PIP5K1C: variants seen among roughly 807,000 people sequenced by gnomAD.
PIP5K1C encodes the protein phosphatidylinositol 4-phosphate 5-kinase type-1 gamma.
PIP5K1C carries 45 observed loss-of-function variants against 80.1 expected under a neutral mutation model. The ratio of observed to expected loss-of-function variants is 0.56; its 90% CI spans 0.44 to 0.72. The LOEUF is 0.72. Ranked by LOEUF, PIP5K1C falls within the 30% of genes least tolerant of loss-of-function variation. The pLI is 0.00. For missense variants in PIP5K1C, 753 were observed against 954.6 expected (o/e 0.79, Z 2.78); for synonymous variants, 498 against 420.1 (o/e 1.19, Z -2.27).
intron 1 of PIP5K1C, among the ~76,000 whole-genome samples, chr19:3,690,354 T>A (rs925666499): frequency 2.0e-5 from 3 of 151,834 alleles, no homozygotes; most frequent in African/African-American, 7.3e-5. Context: ...AAATTAGCTA[T>A]GCATGGTGGC....
chr19:3,638,754 G>A (rs1157880454), intron 16 of PIP5K1C, 130 bp downstream of exon 16: 16 of 968,788 alleles, frequency 1.7e-5, no homozygotes, highest in Non-Finnish European at 2.1e-5. Context: ...GAGAGAGCAT[G>A]TGGGTGGGTC....
At chr19:3,651,639 C>G (rs1235113209) in intron 8 of PIP5K1C, among the ~76,000 whole-genome samples, 187 bp downstream of exon 8, 1 of 152,252 alleles carries the variant, frequency 6.6e-6, no homozygotes, top group Non-Finnish European at 1.5e-5. Flanking sequence ...CTGCACTCAG[C>G]CTGCGGCCCG....
At chr19:3,689,485 C>T (rs2035878085) in intron 1 of PIP5K1C, among the ~76,000 whole-genome samples, 1 of 151,896 alleles carries the variant, frequency 6.6e-6, no homozygotes, top group Admixed American at 6.6e-5. Flanking sequence ...CCTGTCTCTA[C>T]TAAAAATACA....
At chr19:3,634,857 G>A (rs2033612743) in intron 16 of PIP5K1C, among the ~76,000 whole-genome samples, 1 of 152,228 alleles carries the variant, frequency 6.6e-6, no homozygotes, top group South Asian at 2.1e-4. Flanking sequence ...CGAGGGCAGC[G>A]CACTCCTGCC....
At chr19:3,668,093 G>A (rs1270923140) in intron 1 of PIP5K1C, among the ~76,000 whole-genome samples, 2 of 152,056 alleles carry the variant, frequency 1.3e-5, no homozygotes, top group East Asian at 3.9e-4. Context: ...AGCAGGGCCT[G>A]GGCCGCAGCT....
intron 2 of PIP5K1C, 136 bp from the exon 3 acceptor site, chr19:3,665,050 C>A (rs1046554631): frequency 4.0e-6 from 3 of 758,046 alleles, no homozygotes; most frequent in Non-Finnish European, 6.8e-6. Flanking sequence ...CAGGTCCAGG[C>A]GACTCCGGGG....
intron 2 of PIP5K1C, 62 bp from the exon 3 acceptor site, chr19:3,664,976 G>T: frequency 7.6e-7 from 1 of 1,318,194 alleles, no homozygotes; most frequent in Non-Finnish European, 1.1e-6. Context: ...GACAGGGCAC[G>T]CTCTGAAACC....
At chr19:3,636,649 C>T (rs1365366071) in intron 16 of PIP5K1C, 12 of 985,534 alleles carry the variant, frequency 1.2e-5, no homozygotes, top group Middle Eastern at 5.2e-4. Context: ...CTCCGTGGGA[C>T]GGAGCTGCCT....
At chr19:3,634,849 AGGGCAGCGC>A (rs1250786152) in intron 16 of PIP5K1C, among the ~76,000 whole-genome samples, 2 of 152,174 alleles carry the variant, frequency 1.3e-5, no homozygotes, top group East Asian at 3.9e-4. Context: ...CTGGGCACCG[AGGGCAGCGC>A]ACTCCTGCCC....
At chr19:3,654,515 A>AT (rs1004346185) in intron 6 of PIP5K1C, among the ~76,000 whole-genome samples, 3 of 152,210 alleles carry the variant, frequency 2.0e-5, no homozygotes, top group Non-Finnish European at 4.4e-5. Flanking sequence ...TGGTTTTTCC[A>AT]TTTTTAAAAA....
chr19:3,694,367 C>A (rs1237722198), intron 1 of PIP5K1C, among the ~76,000 whole-genome samples: 2 of 152,200 alleles, frequency 1.3e-5, no homozygotes, highest in Non-Finnish European at 2.9e-5. Context: ...GTCCCCACTG[C>A]CTGCTCACCC....
At chr19:3,668,283 T>C (rs962622367) in intron 1 of PIP5K1C, 1 of 152,062 alleles carries the variant, frequency 6.6e-6, no homozygotes, top group Non-Finnish European at 1.5e-5. Context: ...GGGGTCCTCA[T>C]CTGGAGAACG....
At chr19:3,673,901 GC>G (rs2035283851) in intron 1 of PIP5K1C, 1 of 152,312 alleles carries the variant, frequency 6.6e-6, no homozygotes, top group Non-Finnish European at 1.5e-5. Context: ...ACAAGGGTAG[GC>G]CGTGCAAGAA....
At chr19:3,693,186 C>T (rs556942212) in intron 1 of PIP5K1C, among the ~76,000 whole-genome samples, 2 of 152,284 alleles carry the variant, frequency 1.3e-5, no homozygotes, top group East Asian at 1.9e-4. Context: ...CACACGTAGA[C>T]GATGCCCGAA....
rs367612171 is a variant in PIP5K1C, at chr19:3,643,378, C to T, written c.1514G>A (p.Arg505Gln). ...TGGCGTGCAGGGCAGGAGGTCGGGC[C>T]GGCCTGAGGGGAGAGGACTGTGGGC... ...RSYPTLEDEG[R>Q]PDLLPCTPPS... The change falls in exon 13 of 18, where the codon CGG (arginine) becomes CAG (glutamine). Residue 505 changes from arginine (R) to glutamine (Q), a missense_variant. Arg to Gln is a conservative substitution (Grantham distance 43). This residue lies in a region of PIP5K1C where 315 missense variants were observed against 294.5 expected (regional missense o/e 1.07). Transcript: ENST00000335312. The T allele has an allele frequency of 8.7e-6, 14 of 1,613,270 alleles. No individual in the cohort carries two copies. The highest frequency in any genetic ancestry group is 1.3e-5 in the African/African-American group (1 of 74,872).
At chr19:3,674,082 C>G (rs979637721) in intron 1 of PIP5K1C, 2 of 152,262 alleles carry the variant, frequency 1.3e-5, no homozygotes, top group Non-Finnish European at 2.9e-5. Context: ...GGCCACGACA[C>G]TCAGAGGCCA....
At chr19:3,650,905 C>T (rs1384605404) in intron 8 of PIP5K1C, among the ~76,000 whole-genome samples, 3 of 152,092 alleles carry the variant, frequency 2.0e-5, no homozygotes, top group East Asian at 1.9e-4. Context: ...TACAGGCGTG[C>T]ACCACCACGC....
At chr19:3,642,642 G>C (rs376603392) in intron 14 of PIP5K1C, among the ~76,000 whole-genome samples, 1 of 152,040 alleles carries the variant, frequency 6.6e-6, no homozygotes, top group African/African-American at 2.4e-5. Context: ...ATTCCCTCTT[G>C]TATCTTGTTT....
In PIP5K1C at chr19:3,660,954, A is replaced by AAATATGC; in HGVS notation, c.468+5_468+11dup. The AAATATGC allele has an allele frequency of 6.2e-7, 1 of 1,604,302 alleles. No homozygotes were observed. The highest frequency in any genetic ancestry group is 8.5e-7 in the Non-Finnish European group (1 of 1,171,320). On this transcript the variant is annotated intron_variant, in intron 5 of 17. Transcript: ENST00000335312. ...TTCAAGCCTGGAAGCCCGTAACAGC[A>AAATATGC]AATATGCTTACCAAGTAATCATCTG...
Sources: gnomAD v4.1 joint callset for allele counts (sites outside exome capture counted in the v4.1 genomes callset) on GRCh38, gnomAD v4.1.1 for gene constraint, gnomAD v4.1.1 regional missense constraint, MANE v1.5 for transcripts, NCBI Gene and HGNC (gene_info 2026-07-23, HGNC 2026-07-21) for gene names.